The following MAP3K15 variants were observed in gnomAD, a reference collection of about 807,000 sequenced individuals.
The protein encoded by MAP3K15 is mitogen-activated protein kinase kinase kinase 15, also known as MAPK/ERK kinase kinase 15.
In MAP3K15, 124 loss-of-function variants were observed where a neutral mutation model predicts 99.5. The observed-to-expected ratio is 1.25, with a 90% CI of 1.08 to 1.45. MAP3K15 has a LOEUF of 1.45. Among genes scored for constraint, MAP3K15 ranks in the 40% most tolerant of loss-of-function variants. The probability of loss-of-function intolerance (pLI) is 0.00; values close to 1 mark genes in which losing one functional copy is unlikely to be tolerated. For missense variants in MAP3K15, 1,242 were observed against 1,079.7 expected, an observed-to-expected ratio of 1.15 and a Z score of -2.11; for synonymous variants, 494 against 439.6, an observed-to-expected ratio of 1.12 and a Z score of -1.55.
In MAP3K15 at chrX:19,425,710, G is replaced by C. The variant is rs758924043; in HGVS notation, c.1280-20C>G. On this transcript the variant is annotated intron_variant, in intron 8 of 28. Coordinates refer to ENST00000338883, the MANE Select transcript of MAP3K15 (RefSeq NM_001001671.4). ...GGACACCTTAAGAATTTGAATTTTTGATAGTCAGAATAATCTTTTTTAGTT... is the reference window on the plus strand; with the variant it reads ...GGACACCTTAAGAATTTGAATTTTTCATAGTCAGAATAATCTTTTTTAGTT... 5.1e-6 allele frequency: 6 copies of C among 1,173,666 alleles called. No homozygotes were observed. In the South Asian group the frequency reaches 5.7e-5, roughly 11 times the overall value.
At chrX:19,432,557 CAAA>C (rs58029753) in intron 6 of MAP3K15, among the ~76,000 whole-genome samples, 1 of 45,320 alleles carries the variant, frequency 2.2e-5, no homozygotes, top group African/African-American at 6.5e-5. Flanking sequence ...TCTGTCTCAA[CAAA>C]AAAAAAAAAA....
At chrX:19,473,705 G>A (rs763653469) in intron 3 of MAP3K15, among the ~76,000 whole-genome samples, 17 of 111,454 alleles carry the variant, frequency 1.5e-4, no homozygotes, top group Admixed American at 1.4e-3. Context: ...AGGAAGCGGA[G>A]GAATTTTTCC....
rs183764739 is a variant in MAP3K15 at position 19,433,126 on chromosome X, G to A, written c.996-1518C>T. On this transcript the variant is annotated intron_variant, in intron 6 of 28. Transcript: ENST00000338883. The stretch of plus-strand genomic sequence containing the variant: ...TAAAAGAGTGGGTGGGGGCAAAGGG[G>A]AACAAAATTGGCCATGCAATGATAA... 2.6e-3 allele frequency among the ~76,000 whole-genome samples: 286 copies of A among 111,783 alleles called. 1 individual carries two copies. The highest frequency in any genetic ancestry group is 8.8e-3 in the African/African-American group (272 of 30,800).
intron 13 of MAP3K15, among the ~76,000 whole-genome samples, chrX:19,401,478 C>T (rs1227264739): frequency 9.0e-6 from 1 of 111,623 alleles, no homozygotes; most frequent in Non-Finnish European, 1.9e-5. Context: ...AGGCATGAGC[C>T]CCCGCACCCA....
intron 5 of MAP3K15, among the ~76,000 whole-genome samples, chrX:19,459,401 T>A (rs1436130841): frequency 8.9e-6 from 1 of 112,453 alleles, no homozygotes; most frequent in African/African-American, 3.2e-5. Flanking sequence ...AAACTTAAAT[T>A]CTTGGCTCCT....
chrX:19,508,719 C>T (rs1325334172), intron 1 of MAP3K15, among the ~76,000 whole-genome samples: 1 of 109,730 alleles, frequency 9.1e-6, no homozygotes, highest in Non-Finnish European at 1.9e-5. Context: ...TTCACCTCTA[C>T]ACAAAATAAA....
intron 6 of MAP3K15, among the ~76,000 whole-genome samples, chrX:19,450,261 G>T (rs911682949): frequency 9.2e-6 from 1 of 108,833 alleles, no homozygotes; most frequent in Admixed American, 9.8e-5. Flanking sequence ...GAGGTGGGAG[G>T]ATCACTTGAG....
At chrX:19,424,633 TTTTC>T (rs919801497) in intron 9 of MAP3K15, among the ~76,000 whole-genome samples, 11 of 109,688 alleles carry the variant, frequency 1.0e-4, no homozygotes, top group African/African-American at 2.7e-4. Flanking sequence ...GCAATCTGTG[TTTTC>T]TTTCTTTATT....
At chrX:19,373,833 C>T (rs1341723127) in intron 20 of MAP3K15, 138 bp from the exon 21 acceptor site, 20 of 644,725 alleles carry the variant, frequency 3.1e-5, no homozygotes, top group East Asian at 1.1e-4. Flanking sequence ...GGGCGGGGGA[C>T]GGGCCACAGG....
At chrX:19,473,250 T>C (rs904734566) in intron 3 of MAP3K15, among the ~76,000 whole-genome samples, 1 of 112,089 alleles carries the variant, frequency 8.9e-6, no homozygotes, top group Admixed American at 9.5e-5. Flanking sequence ...GACTAACAAC[T>C]ACATTTTAAA....
At chrX:19,394,837 A>ATTTTTTTTTT (rs1481087841) in intron 16 of MAP3K15, among the ~76,000 whole-genome samples, 1 of 46,801 alleles carries the variant, frequency 2.1e-5, no homozygotes, top group African/African-American at 1.5e-4. Flanking sequence ...TTTTTTTTTA[A>ATTTTTTTTTT]AAAGAGTGAT....
intron 6 of MAP3K15, among the ~76,000 whole-genome samples, chrX:19,432,811 G>A (rs1226961408): frequency 9.3e-6 from 1 of 108,103 alleles, no homozygotes; most frequent in Non-Finnish European, 1.9e-5. Context: ...CACCTCCTGA[G>A]TTCAAGCAAT....
intron 9 of MAP3K15, among the ~76,000 whole-genome samples, chrX:19,421,457 G>C (rs2063783645): frequency 9.1e-6 from 1 of 110,337 alleles, no homozygotes; most frequent in Admixed American, 9.7e-5. Context: ...AAATACCTAG[G>C]AATCCAACTT....
At chrX:19,451,106 C>A (rs866336539) in intron 6 of MAP3K15, among the ~76,000 whole-genome samples, 2 of 107,396 alleles carry the variant, frequency 1.9e-5, no homozygotes, top group African/African-American at 6.6e-5. Context: ...GCCAACAGGG[C>A]GAAACCCCAT....
chrX:19,413,871 G>A (rs901320705), intron 10 of MAP3K15, among the ~76,000 whole-genome samples: 5 of 108,568 alleles, frequency 4.6e-5, no homozygotes, highest in African/African-American at 1.7e-4. Flanking sequence ...AAGGAGAGAA[G>A]AAGGAGGCCA....
chrX:19,382,940 C>A (rs770913281), intron 18 of MAP3K15, among the ~76,000 whole-genome samples: 2 of 112,141 alleles, frequency 1.8e-5, no homozygotes, highest in Admixed American at 1.9e-4. Flanking sequence ...GCTCCGCAAC[C>A]AGGTGGCGCT....
At chrX:19,488,502 T>C (rs1038354992) in intron 2 of MAP3K15, among the ~76,000 whole-genome samples, 2 of 112,035 alleles carry the variant, frequency 1.8e-5, no homozygotes, top group African/African-American at 6.5e-5. Flanking sequence ...AACTGATTTT[T>C]ATGTGTAGGT....
chrX:19,474,679 CTT>C (rs1165691167), intron 3 of MAP3K15, among the ~76,000 whole-genome samples: 2 of 110,196 alleles, frequency 1.8e-5, no homozygotes, highest in Non-Finnish European at 3.8e-5. Flanking sequence ...AGACTTGAGA[CTT>C]TGTTGGTAAC....
At chrX:19,491,831 G>A (rs766960746) in intron 1 of MAP3K15, among the ~76,000 whole-genome samples, 79 of 110,183 alleles carry the variant, frequency 7.2e-4, no homozygotes, top group Non-Finnish European at 1.3e-3. Flanking sequence ...CTACAGGCAT[G>A]TGCCACCATG....
Sources: allele counts gnomAD v4.1 joint callset (sites outside exome capture counted in the v4.1 genomes callset), GRCh38; gene constraint gnomAD v4.1.1; transcripts MANE v1.5; gene names NCBI Gene and HGNC (gene_info 2026-07-23, HGNC 2026-07-21).